Variants in HDGFL3 observed in about 807,000 individuals in gnomAD.
The protein encoded by HDGFL3 is HDGF like 3, also known as hepatoma-derived growth factor-related protein 3.
In HDGFL3, 6 loss-of-function variants were observed where a neutral mutation model predicts 27.6. The ratio of observed to expected loss-of-function variants is 0.22; its 90% confidence interval spans 0.12 to 0.43. The LOEUF is 0.43. Ranked by LOEUF, HDGFL3 falls within the 20% of genes least tolerant of loss-of-function variation. The pLI, the probability that HDGFL3 is intolerant of heterozygous loss-of-function variation, is 1.00. For synonymous variants in HDGFL3, 88 were observed against 88.9 expected (o/e 0.99, Z 0.05); for missense variants, 207 against 250.1 (o/e 0.83, Z 1.16).
chr15:83,148,866 A>G (rs757161368), intron 5 of HDGFL3, among the ~76,000 whole-genome samples: 38 of 152,294 alleles, frequency 2.5e-4, no homozygotes, highest in Non-Finnish European at 3.4e-4. Context: ...TTATACACCT[A>G]TATGTTAGGC....
At chr15:83,162,821 T>A (rs2037117697) in intron 2 of HDGFL3, among the ~76,000 whole-genome samples, 1 of 152,218 alleles carries the variant, frequency 6.6e-6, no homozygotes, top group Non-Finnish European at 1.5e-5. Flanking sequence ...ACCCTGAATT[T>A]GAAGACTTAA....
intron 1 of HDGFL3, among the ~76,000 whole-genome samples, chr15:83,169,414 C>CAAAAAAAAAAAAAAAAAAAAAA (rs58159581): frequency 2.0e-4 from 7 of 35,570 alleles, no homozygotes; most frequent in Non-Finnish European, 2.2e-4. Context: ...GACTCCGTCT[C>CAAAAAAAAAAAAAAAAAAAAAA]AAAAAAAAAA....
rs543255793 is a variant in HDGFL3 at position 83,132,657 on chromosome 15, G to C, written c.*6613C>G. On this transcript the variant is annotated 3_prime_UTR_variant, in exon 6 of 6. Coordinates refer to ENST00000299633, the MANE Select transcript of HDGFL3 (RefSeq NM_016073.4). ...GACCCTCCCGCCTTGGCATCCCAAA[G>C]TGCTGGGATTATAGGTATGAGCCAC... 1 of 152,236 alleles carries C rather than the reference G, an allele frequency of 6.6e-6. No homozygotes were observed. Among genetic ancestry groups the C allele is most frequent in the African/African-American group, 2.4e-5 (1 of 41,556 alleles). The allele number at this position is 152,236 out of a possible 1,614,324, so 9.4% of individuals were successfully genotyped here. A position where few individuals can be genotyped will look rare whatever the true frequency, so the allele number is the denominator to read the frequency against.
chr15:83,187,409 CA>C (rs1245504882), intron 1 of HDGFL3, among the ~76,000 whole-genome samples: 2 of 150,530 alleles, frequency 1.3e-5, no homozygotes, highest in East Asian at 3.9e-4. Flanking sequence ...CACAAATACA[CA>C]CACAGGAATC....
At chr15:83,184,732 T>A (rs2037419437) in intron 1 of HDGFL3, 1 of 152,158 alleles carries the variant, frequency 6.6e-6, no homozygotes, top group African/African-American at 2.4e-5. Flanking sequence ...CCAGGGCAGA[T>A]GTCTTCAAAA....
intron 1 of HDGFL3, chr15:83,179,734 A>G (rs563608375): frequency 6.6e-6 from 1 of 152,322 alleles, no homozygotes; most frequent in South Asian, 2.1e-4. Flanking sequence ...TTTTATTTTT[A>G]GCATTTCTCT....
chr15:83,172,517 G>A (rs1383266501), intron 1 of HDGFL3, among the ~76,000 whole-genome samples: 2 of 152,138 alleles, frequency 1.3e-5, no homozygotes, highest in East Asian at 1.9e-4. Context: ...TATTATTACA[G>A]TAAAGTAAGC....
intron 1 of HDGFL3, among the ~76,000 whole-genome samples, chr15:83,180,643 A>AT (rs34952033): frequency 0.41 from 51,909 of 126,342 alleles, 12,123 homozygotes; most frequent in East Asian, 0.55. Context: ...TAACTTATCA[A>AT]TTTTTTTTTT....
intron 1 of HDGFL3, among the ~76,000 whole-genome samples, chr15:83,187,320 A>AAATCTTCCCCCAGACTTACT (rs1567175894): frequency 6.6e-6 from 1 of 152,040 alleles, no homozygotes; most frequent in African/African-American, 2.4e-5. Flanking sequence ...TACAAATGTT[A>AAATCTTCCCCCAGACTTACT]CACGGGCAGA....
At chr15:83,155,636 A>G (rs1387084022) in intron 4 of HDGFL3, among the ~76,000 whole-genome samples, 1 of 152,242 alleles carries the variant, frequency 6.6e-6, no homozygotes, top group Non-Finnish European at 1.5e-5. Context: ...TTCATTAGGT[A>G]CACAGGAAAC....
chr15:83,157,069 C>G (rs2037038967), intron 4 of HDGFL3, among the ~76,000 whole-genome samples: 1 of 152,152 alleles, frequency 6.6e-6, no homozygotes, highest in African/African-American at 2.4e-5. Flanking sequence ...TAGACATAGT[C>G]TTGAATTATA....
intron 1 of HDGFL3, among the ~76,000 whole-genome samples, chr15:83,200,093 C>A (rs1025326527): frequency 2.7e-5 from 4 of 149,142 alleles, no homozygotes; most frequent in Admixed American, 6.7e-5. Flanking sequence ...CCTGTAATCC[C>A]AGCACTTTGA....
chr15:83,197,620 C>T (rs1193439598), intron 1 of HDGFL3, among the ~76,000 whole-genome samples: 2 of 152,190 alleles, frequency 1.3e-5, no homozygotes, highest in Non-Finnish European at 2.9e-5. Flanking sequence ...AAAAGCTCAT[C>T]ATCTTCAGTC....
At chr15:83,122,866 T>C (rs1212427197), downstream of HDGFL3, 1 of 1,614,070 alleles carries the variant, frequency 6.2e-7, no homozygotes, top group South Asian at 1.1e-5. Flanking sequence ...AAAATTATAA[T>C]TACCCCTCAA....
rs750866101 is a variant in HDGFL3 at position 83,136,629 on chromosome 15, CAG to C, written c.*2639_*2640del. 6 of 1,606,484 alleles carry C rather than the reference CAG, an allele frequency of 3.7e-6. No individual in the cohort carries two copies. Among genetic ancestry groups the C allele is most frequent in the Non-Finnish European group, 5.1e-6 (6 of 1,178,060 alleles). ...TTGGCCTATCGTTGTATCTACAAACCAGAGTTCTTCATAAAAACAAAGGCAGA... is the reference window on the plus strand; with the variant it reads ...TTGGCCTATCGTTGTATCTACAAACCAGTTCTTCATAAAAACAAAGGCAGA... On this transcript the variant is annotated 3_prime_UTR_variant, in exon 6 of 6. Coordinates refer to ENST00000299633, the MANE Select transcript of HDGFL3 (RefSeq NM_016073.4).
In HDGFL3 at chr15:83,136,793, C is replaced by CACACATACAGTGCAGAGCAAGAA; in HGVS notation, c.*2476_*2477insTTCTTGCTCTGCACTGTATGTGT. ...ACTTAAGAATATGTACATTCTTGCT[C>CACACATACAGTGCAGAGCAAGAA]TGCACTGTATGTGTGAGCTATATGG... On this transcript the variant is annotated 3_prime_UTR_variant, in exon 6 of 6. Coordinates refer to ENST00000299633, the MANE Select transcript of HDGFL3 (RefSeq NM_016073.4). 2.4e-6 allele frequency: 2 copies of CACACATACAGTGCAGAGCAAGAA among 843,780 alleles called. No homozygotes were observed. Among genetic ancestry groups the CACACATACAGTGCAGAGCAAGAA allele is most frequent in the African/African-American group, 1.7e-5 (1 of 58,466 alleles). The allele number at this position is 843,780 out of a possible 1,614,324, so 52.3% of individuals were successfully genotyped here.
At chr15:83,180,222 G>C (rs1342088381) in intron 1 of HDGFL3, among the ~76,000 whole-genome samples, 1 of 152,144 alleles carries the variant, frequency 6.6e-6, no homozygotes, top group Non-Finnish European at 1.5e-5. Context: ...GTGGGGAATA[G>C]AAAGGAGAGT....
At chr15:83,174,266 T>C (rs1306387632) in intron 1 of HDGFL3, among the ~76,000 whole-genome samples, 2 of 152,190 alleles carry the variant, frequency 1.3e-5, no homozygotes, top group Non-Finnish European at 2.9e-5. Flanking sequence ...CTGAGTATTT[T>C]CTCGAGCCCC....
At chr15:83,183,721 G>A (rs551283295) in intron 1 of HDGFL3, among the ~76,000 whole-genome samples, 1 of 150,780 alleles carries the variant, frequency 6.6e-6, no homozygotes, top group South Asian at 2.1e-4. Context: ...TTGTGCCAAT[G>A]CACTCCAGCC....
Sources: allele counts gnomAD v4.1 joint callset (sites outside exome capture counted in the v4.1 genomes callset), GRCh38; gene constraint gnomAD v4.1.1; transcripts MANE v1.5; gene names NCBI Gene and HGNC (gene_info 2026-07-23, HGNC 2026-07-21).